NUP93: variants seen among roughly 807,000 people sequenced by gnomAD.
NUP93 encodes nuclear pore complex protein Nup93.
Under a neutral mutation model 107.8 loss-of-function variants are expected in NUP93, and 55 were observed. The ratio of observed to expected loss-of-function variants is 0.51; its 90% CI spans 0.41 to 0.64. The LOEUF (loss-of-function observed/expected upper bound fraction) is 0.64, where lower values mean the gene tolerates loss of function less well. NUP93 is among the 30% of genes least tolerant of loss of function. NUP93 has a pLI of 0.00. For synonymous variants in NUP93, 390 were observed against 397.5 expected, an observed-to-expected ratio of 0.98 and a Z score of 0.22; for missense variants, 937 against 1,044.7, an observed-to-expected ratio of 0.90 and a Z score of 1.42.
chr16:56,792,117 C>T (rs536895762), intron 3 of NUP93, among the ~76,000 whole-genome samples: 1 of 152,262 alleles, frequency 6.6e-6, no homozygotes, highest in Middle Eastern at 3.4e-3. Context: ...GAGTTTGCGG[C>T]TGCAGTGAGC....
Position 56,735,018 on chromosome 16 carries a change from T to C in NUP93, c.-15+4807T>C, listed in dbSNP as rs562543300. 3.1e-3 allele frequency among the ~76,000 whole-genome samples: 467 copies of C among 152,252 alleles called. 1 individual carries two copies. Among genetic ancestry groups the C allele is most frequent in the Non-Finnish European group, 4.6e-3 (313 of 68,014 alleles). ...CAGAGGTCTGCTGTGAGGATGACAT[T>C]AGATTATACAAATAAAGCCCATAGT... is the stretch of plus-strand genomic sequence containing the variant. On this transcript the variant is annotated intron_variant, in intron 1 of 21. Coordinates refer to ENST00000308159, the MANE Select transcript of NUP93 (RefSeq NM_014669.5).
intron 3 of NUP93, among the ~76,000 whole-genome samples, chr16:56,783,201 CT>C (rs1962551647): frequency 6.6e-6 from 1 of 152,144 alleles, no homozygotes; most frequent in Admixed American, 6.5e-5. Context: ...ATTGTGGGAC[CT>C]GTGGGGTCTG....
intron 1 of NUP93, among the ~76,000 whole-genome samples, chr16:56,734,424 A>G (rs1299021953): frequency 6.6e-6 from 1 of 152,214 alleles, no homozygotes; most frequent in Non-Finnish European, 1.5e-5. Context: ...GAAGAGTGGT[A>G]ACAGAAGGAG....
At chr16:56,839,854 G>T in intron 20 of NUP93, 1 of 460,228 alleles carries the variant, frequency 2.2e-6, no homozygotes, top group South Asian at 2.3e-5. Flanking sequence ...GTTCTTGGGA[G>T]AAACAGGTTT....
rs1334457327 is a variant in NUP93, at chr16:56,834,371, G to T, written c.1666G>T (p.Asp556Tyr). 7 of 1,614,100 alleles carry T rather than the reference G, an allele frequency of 4.3e-6. No individual in the cohort carries two copies. The highest frequency in any genetic ancestry group is 1.3e-5 in the African/African-American group (1 of 74,936). The change falls in exon 15 of 22, where the codon GAT (aspartate) becomes TAT (tyrosine). Residue 556 changes from aspartate (D) to tyrosine (Y), a missense_variant and splice_region_variant. By Grantham distance (160) the Asp-to-Tyr change is radical (BLOSUM62 -3). Transcript: ENST00000308159. The stretch of plus-strand genomic sequence containing the variant: ...CTGAGTTGTTTATTTCCCTTACAGG[G>T]ATGAGAAAGATAGTCAAGGAGAAAA... ...EALQYFYFLR[D>Y]EKDSQGENMF...
intron 7 of NUP93, among the ~76,000 whole-genome samples, chr16:56,822,265 AC>A (rs1963561056): frequency 6.6e-6 from 1 of 151,820 alleles, no homozygotes; most frequent in African/African-American, 2.4e-5. Context: ...TAACCCTAGC[AC>A]GTTTTGAGGC....
At chr16:56,833,762 A>T in intron 13 of NUP93, among the ~76,000 whole-genome samples, 1 of 152,084 alleles carries the variant, frequency 6.6e-6, no homozygotes, top group East Asian at 1.9e-4. Flanking sequence ...GCATGTGCAT[A>T]CCTGCCTGGG....
At chr16:56,811,474 C>T (rs1357042197) in intron 5 of NUP93, among the ~76,000 whole-genome samples, 1 of 152,000 alleles carries the variant, frequency 6.6e-6, no homozygotes, top group Non-Finnish European at 1.5e-5. Context: ...GCTTTGGGTC[C>T]CCAAGCCTGG....
At chr16:56,744,229 A>C (rs1348385973) in intron 1 of NUP93, among the ~76,000 whole-genome samples, 1 of 152,146 alleles carries the variant, frequency 6.6e-6, no homozygotes, top group Non-Finnish European at 1.5e-5. Context: ...TTTCCCCCAT[A>C]GATCATTTTA....
intron 12 of NUP93, 113 bp downstream of exon 12, chr16:56,832,501 T>A: frequency 1.3e-6 from 1 of 764,036 alleles, no homozygotes; most frequent in Non-Finnish European, 2.3e-6. Context: ...CTTCCAAAAC[T>A]CCTATAGATT....
At chr16:56,768,717 A>G (rs1406303501) in intron 3 of NUP93, among the ~76,000 whole-genome samples, 5 of 150,456 alleles carry the variant, frequency 3.3e-5, no homozygotes, top group Admixed American at 6.6e-5. Flanking sequence ...AATACAAAAA[A>G]TTAGCCTGGT....
intron 1 of NUP93, among the ~76,000 whole-genome samples, chr16:56,743,997 A>T (rs1383239764): frequency 6.6e-6 from 1 of 152,176 alleles, no homozygotes; most frequent in East Asian, 1.9e-4. Context: ...TCAAGGGCTT[A>T]GTCACTGCTG....
intron 1 of NUP93, among the ~76,000 whole-genome samples, chr16:56,733,411 C>T (rs1961564397): frequency 6.6e-6 from 1 of 151,484 alleles, no homozygotes; most frequent in South Asian, 2.1e-4. Context: ...TATGACTTTG[C>T]AAAAGGTTTG....
At chr16:56,737,538 C>A (rs749458928) in intron 1 of NUP93, among the ~76,000 whole-genome samples, 1 of 152,156 alleles carries the variant, frequency 6.6e-6, no homozygotes, top group Non-Finnish European at 1.5e-5. Context: ...CCTACACTCC[C>A]AAGGATAACC....
chr16:56,824,574 G>C (rs138568318), intron 8 of NUP93, among the ~76,000 whole-genome samples: 1 of 152,338 alleles, frequency 6.6e-6, no homozygotes, highest in Non-Finnish European at 1.5e-5. Context: ...GGCCTGAGAA[G>C]AGAAAGCCAA....
At chr16:56,805,740 G>A in intron 5 of NUP93, 108 bp downstream of exon 5, 2 of 1,231,040 alleles carry the variant, frequency 1.6e-6, no homozygotes, top group South Asian at 1.4e-5. Flanking sequence ...TCTTCCCCTT[G>A]AAACACTTTC....
At chr16:56,751,434 A>G (rs1961917564) in intron 2 of NUP93, among the ~76,000 whole-genome samples, 1 of 152,198 alleles carries the variant, frequency 6.6e-6, no homozygotes, top group African/African-American at 2.4e-5. Context: ...TTTTAAAATA[A>G]CCCTGTGAAA....
intron 16 of NUP93, among the ~76,000 whole-genome samples, chr16:56,836,128 CAAA>C (rs766959511): frequency 6.3e-5 from 6 of 94,694 alleles, no homozygotes; most frequent in Admixed American, 1.2e-4. Context: ...GACTCTGTCT[CAAA>C]AAAAAAAAAA....
At chr16:56,788,083 G>T (rs1490192562) in intron 3 of NUP93, among the ~76,000 whole-genome samples, 1 of 152,128 alleles carries the variant, frequency 6.6e-6, no homozygotes, top group Non-Finnish European at 1.5e-5. Flanking sequence ...AGTGATTGCG[G>T]GAAGGGGATA....
Sources: gnomAD v4.1 joint callset for allele counts (sites outside exome capture counted in the v4.1 genomes callset) on GRCh38, gnomAD v4.1.1 for gene constraint, MANE v1.5 for transcripts, NCBI Gene and HGNC (gene_info 2026-07-23, HGNC 2026-07-21) for gene names.